Variants in REEP1 observed in about 807,000 individuals in gnomAD.
The protein encoded by REEP1 is receptor expression-enhancing protein 1.
A neutral mutation model predicts 40.3 loss-of-function variants in REEP1; 22 were observed. The ratio of observed to expected loss-of-function variants is 0.55; its 90% CI spans 0.39 to 0.78. REEP1 has a LOEUF of 0.78. Among genes scored for constraint, REEP1 ranks in the 30% least tolerant of loss-of-function variants. The pLI is 0.00. For synonymous variants in REEP1, 116 were observed against 139.2 expected (o/e 0.83, Z 1.17); for missense variants, 280 against 361.1 (o/e 0.78, Z 1.82).
chr2:86,245,922 G>T (rs997738535), intron 5 of REEP1, among the ~76,000 whole-genome samples: 2 of 151,844 alleles, frequency 1.3e-5, no homozygotes, highest in South Asian at 4.2e-4. Flanking sequence ...CCGCCACCAC[G>T]CCCGGCTAAT....
chr2:86,337,940 A>C, upstream of REEP1: 1 of 1,314,648 alleles, frequency 7.6e-7, no homozygotes, highest in Non-Finnish European at 1.1e-6. The surrounding 1 kb of genome is among the most constrained non-coding windows in gnomAD (Gnocchi z 5.8). Context: ...CCGAACCTGA[A>C]CCTCGGGAAT....
chr2:86,300,005 G>A (rs1339190493), intron 1 of REEP1, among the ~76,000 whole-genome samples: 2 of 152,094 alleles, frequency 1.3e-5, no homozygotes, highest in Non-Finnish European at 2.9e-5. Context: ...GCAGCCCAGG[G>A]CCAGACTGAC....
intron 7 of REEP1, among the ~76,000 whole-genome samples, chr2:86,225,365 G>A (rs949899028): frequency 1.3e-5 from 2 of 152,298 alleles, no homozygotes; most frequent in East Asian, 1.9e-4. Flanking sequence ...TCTGCCTCCC[G>A]GATTCAAGCG....
rs896373341 is a variant in REEP1, at chr2:86,215,513, T to A, written c.*1526A>T. 3 of 152,628 alleles carry A rather than the reference T, an allele frequency of 2.0e-5. No individual in the cohort carries two copies. The highest frequency in any genetic ancestry group is 4.4e-5 in the Non-Finnish European group (3 of 68,038). The allele number at this position is 152,628 out of a possible 1,614,324, so 9.5% of individuals were successfully genotyped here. ...GTATATAACACTAATTCTCTAGTCT[T>A]CTGGGCATATCTACGAACAAATACA... is the stretch of plus-strand genomic sequence containing the variant. On this transcript the variant is annotated 3_prime_UTR_variant, in exon 9 of 9. Coordinates refer to ENST00000538924, the MANE Select transcript of REEP1 (RefSeq NM_001371279.1).
chr2:86,316,259 C>T (rs1680001851), intron 1 of REEP1, among the ~76,000 whole-genome samples: 1 of 152,046 alleles, frequency 6.6e-6, no homozygotes, highest in African/African-American at 2.4e-5. Context: ...TCTAAAGGGG[C>T]CAGGTGCGGT....
intron 1 of REEP1, among the ~76,000 whole-genome samples, chr2:86,321,561 G>A (rs1558936159): frequency 6.6e-6 from 1 of 151,938 alleles, no homozygotes; most frequent in Non-Finnish European, 1.5e-5. Context: ...CTAAATATTA[G>A]CAAATCGCCT....
At chr2:86,316,314 G>C (rs556953959) in intron 1 of REEP1, among the ~76,000 whole-genome samples, 2 of 151,438 alleles carry the variant, frequency 1.3e-5, no homozygotes, top group East Asian at 3.9e-4. Flanking sequence ...TGAGGCAGAC[G>C]GATCACCTGA....
At chr2:86,301,059 C>T (rs1284035354) in intron 1 of REEP1, among the ~76,000 whole-genome samples, 1 of 152,190 alleles carries the variant, frequency 6.6e-6, no homozygotes, top group Non-Finnish European at 1.5e-5. Flanking sequence ...GAGGTGACCA[C>T]CAAACGTGTA....
intron 1 of REEP1, among the ~76,000 whole-genome samples, chr2:86,305,351 C>G (rs919234325): frequency 1.3e-5 from 2 of 152,216 alleles, no homozygotes; most frequent in African/African-American, 4.8e-5. Flanking sequence ...TTCTGTGTAC[C>G]CGTTTCCTCC....
intron 5 of REEP1, among the ~76,000 whole-genome samples, chr2:86,248,077 G>A (rs1676066783): frequency 6.6e-6 from 1 of 152,174 alleles, no homozygotes. Flanking sequence ...AGTCACTGAA[G>A]TATGGAAAAA....
In REEP1 at chr2:86,240,528, C is replaced by T. The variant is rs77014922; in HGVS notation, c.418-7726G>A. 6.1e-4 allele frequency among the ~76,000 whole-genome samples: 93 copies of T among 152,204 alleles called. No individual in the cohort carries two copies. In the East Asian group the frequency reaches 0.017, roughly 28 times the overall value. On this transcript the variant is annotated intron_variant, in intron 5 of 8. Transcript: ENST00000538924. ...CGTGCTGGCGGGGAAGTGCTTTGGGCCAGGGCGTGAGAGTGGACGAAAACC... is the reference window on the plus strand; with the variant it reads ...CGTGCTGGCGGGGAAGTGCTTTGGGTCAGGGCGTGAGAGTGGACGAAAACC...
At chr2:86,295,131 C>T (rs765616481) in intron 1 of REEP1, among the ~76,000 whole-genome samples, 2 of 152,202 alleles carry the variant, frequency 1.3e-5, no homozygotes, top group Non-Finnish European at 2.9e-5. Context: ...ATTTTCAGCA[C>T]GTGTCTTAAT....
chr2:86,251,738 A>G (rs1676283337), intron 5 of REEP1: 2 of 589,620 alleles, frequency 3.4e-6, no homozygotes, highest in East Asian at 2.9e-5. Flanking sequence ...GGCTCTGGGA[A>G]CCTCTTGATA....
At chr2:86,222,946 C>T (rs1674503081) in intron 7 of REEP1, among the ~76,000 whole-genome samples, 1 of 152,178 alleles carries the variant, frequency 6.6e-6, no homozygotes, top group South Asian at 2.1e-4. Flanking sequence ...CCCAACAGGT[C>T]CTTACCCCTG....
At chr2:86,316,924 G>A (rs976021877) in intron 1 of REEP1, among the ~76,000 whole-genome samples, 2 of 152,184 alleles carry the variant, frequency 1.3e-5, no homozygotes, top group African/African-American at 2.4e-5. Flanking sequence ...AAGATACCCT[G>A]ACTTACTGTC....
intron 2 of REEP1, among the ~76,000 whole-genome samples, chr2:86,267,550 C>A (rs911133494): frequency 2.0e-5 from 3 of 151,644 alleles, no homozygotes; most frequent in African/African-American, 7.3e-5. Context: ...GGCATGGTGT[C>A]ACACACCTGT....
At chr2:86,316,078 G>A (rs950435186) in intron 1 of REEP1, among the ~76,000 whole-genome samples, 1 of 152,090 alleles carries the variant, frequency 6.6e-6, no homozygotes, top group African/African-American at 2.4e-5. Flanking sequence ...GAGTACAGAC[G>A]AGACACCAGA....
intron 1 of REEP1, among the ~76,000 whole-genome samples, chr2:86,294,723 TTAGATAGATAGATAGATAGA>T (rs10674625): frequency 2.0e-5 from 3 of 148,866 alleles, no homozygotes; most frequent in South Asian, 4.3e-4. Flanking sequence ...GATTTATATT[TTAGATAGATAGATAGATAGA>T]TAGATAGATA....
chr2:86,288,503 A>G (rs1321455923), intron 1 of REEP1, among the ~76,000 whole-genome samples: 1 of 152,118 alleles, frequency 6.6e-6, no homozygotes, highest in African/African-American at 2.4e-5. Context: ...CTATATGAAC[A>G]TATTATAGTT....
Sources: gnomAD v4.1 joint callset for allele counts (sites outside exome capture counted in the v4.1 genomes callset) on GRCh38, gnomAD v4.1.1 for gene constraint, Gnocchi (gnomAD v3.1) non-coding constraint, MANE v1.5 for transcripts, NCBI Gene and HGNC (gene_info 2026-07-23, HGNC 2026-07-21) for gene names.